Variants in NOBOX observed in about 807,000 individuals in gnomAD.
NOBOX encodes homeobox protein NOBOX.
NOBOX carries 46 observed loss-of-function variants against 60.2 expected under a neutral mutation model. That is an observed-to-expected ratio of 0.76 (90% CI 0.60 to 0.98). NOBOX has a LOEUF of 0.98. NOBOX is among the 50% of genes least tolerant of loss of function. The probability of loss-of-function intolerance (pLI) is 0.00; values close to 1 mark genes in which losing one functional copy is unlikely to be tolerated. For synonymous variants in NOBOX, 360 were observed against 346.3 expected, an observed-to-expected ratio of 1.04 and a Z score of -0.44; for missense variants, 880 against 865.5, an observed-to-expected ratio of 1.02 and a Z score of -0.21.
At chr7:144,398,794 T>C (rs2053913839) in intron 8 of NOBOX, among the ~76,000 whole-genome samples, 156 bp downstream of exon 6, 1 of 152,070 alleles carries the variant, frequency 6.6e-6, no homozygotes. Context: ...CCCTAGGTCA[T>C]TCCCCAGATC....
At position 144,404,650 on chromosome 7, in the gene NOBOX, A is replaced by G. The variant is rs1248268794; in HGVS notation, c.116T>C (p.Val39Ala). ...TCCGTAGATCCGGTACAGTCCACACACAGGAAATTCAGGTACAGCCAGGGG... is the reference window on the plus strand; with the variant it reads ...TCCGTAGATCCGGTACAGTCCACACGCAGGAAATTCAGGTACAGCCAGGGG... The change falls in exon 2 of 10, where the codon GTG becomes GCG. Residue 39 changes from valine (V) to alanine (A), a missense_variant. By Grantham distance (64) the Val-to-Ala change is moderately conservative. Coordinates refer to ENST00000467773, the MANE Select transcript of NOBOX (RefSeq NM_001080413.3). The G allele has an allele frequency of 1.4e-5, 22 of 1,613,736 alleles. No homozygotes were observed. Among genetic ancestry groups the G allele is most frequent in the African/African-American group, 2.7e-5 (2 of 74,916 alleles).
chr7:144,404,662 G>A lies in NOBOX; in HGVS notation c.104C>T (p.Pro35Leu). The change falls in exon 2 of 10, where the codon CCT becomes CTT. Residue 35 changes from proline to leucine, a missense_variant. By Grantham distance (98) the Pro-to-Leu change is moderately conservative. Coordinates refer to ENST00000467773, the MANE Select transcript of NOBOX (RefSeq NM_001080413.3). ...GTACAGTCCACACACAGGAAATTCA[G>A]GTACAGCCAGGGGCGGCCCTGCCAG... The A allele has an allele frequency of 1.2e-6, 2 of 1,613,842 alleles. No individual in the cohort carries two copies. The highest frequency in any genetic ancestry group is 1.7e-6 in the Non-Finnish European group (2 of 1,179,770).
rs969493498 is a variant in NOBOX, at chr7:144,401,220, TA to T, written c.669del (p.Asn224ThrfsTer44). 1.2e-6 allele frequency: 2 copies of T among 1,613,640 alleles called. No homozygotes were observed. Among genetic ancestry groups the T allele is most frequent in the Non-Finnish European group, 1.7e-6 (2 of 1,179,764 alleles). The stretch of plus-strand genomic sequence containing the variant: ...GGGTTGTGTGTGGCACGGGCTGAGT[TA>T]GGGGCACCCGGAGATGATGTTGGGG... On this transcript the variant is annotated frameshift_variant, in exon 4 of 10. Transcript: ENST00000467773. LOFTEE classifies it high-confidence loss of function. The surrounding 1 kb of genome is among the most constrained non-coding windows in gnomAD (Gnocchi z 4.2).
rs886062037 is a variant in NOBOX at position 144,397,416 on chromosome 7, G to T, written c.1900C>A (p.Pro634Thr). 6.5e-7 allele frequency: 1 copy of T among 1,537,232 alleles called. No individual in the cohort carries two copies. Among genetic ancestry groups the T allele is most frequent in the East Asian group, 2.4e-5 (1 of 40,894 alleles). ...GAAGGCTGCCTGCCCAGAGCCTGGG[G>T]GCAGGGAGTTGGAAATAGATCAGGA... Residue 634 changes from proline to threonine, a missense_variant, in exon 10 of 10, where the codon CCC becomes ACC. Coordinates refer to ENST00000467773, the MANE Select transcript of NOBOX (RefSeq NM_001080413.3).
chr7:144,399,425 A>T lies in NOBOX; in HGVS notation c.1212T>A (p.Pro404=). Residue 404 remains proline (P), a synonymous_variant, in exon 7 of 10, where the codon CCT becomes CCA. Coordinates refer to ENST00000467773, the MANE Select transcript of NOBOX (RefSeq NM_001080413.3). Reference sequence around the variant, plus strand: ...GAAAGGTATCCAGAGGGGACTCCTGAGGGAAAGGGTCAGGCTTTGGCTCCA... The same window carrying T: ...GAAAGGTATCCAGAGGGGACTCCTGTGGGAAAGGGTCAGGCTTTGGCTCCA... 6.3e-7 allele frequency: 1 copy of T among 1,588,256 alleles called. No homozygotes were observed. The highest frequency in any genetic ancestry group is 8.6e-7 in the Non-Finnish European group (1 of 1,167,102).
At chr7:144,402,752 T>C (rs1167049014) in intron 2 of NOBOX, among the ~76,000 whole-genome samples, 4 of 24,056 alleles carry the variant, frequency 1.7e-4, no homozygotes, top group African/African-American at 7.8e-4. Flanking sequence ...AATAACATTT[T>C]TTTTTTTTTT....
intron 2 of NOBOX, among the ~76,000 whole-genome samples, 173 bp from the exon 1 acceptor site, chr7:144,403,866 G>A (rs1196499051): frequency 6.6e-6 from 1 of 151,910 alleles, no homozygotes; most frequent in Non-Finnish European, 1.5e-5. Context: ...GCCGGCCCGG[G>A]AGGCTCGGCT....
At chr7:144,403,842 A>AC (rs1174821370) in intron 2 of NOBOX, 149 bp from the exon 1 acceptor site, 15 of 322,438 alleles carry the variant, frequency 4.7e-5, no homozygotes, top group Middle Eastern at 8.8e-4. Flanking sequence ...CCCCACCCCC[A>AC]CCCCCAGGGC....
rs1254580374 is a variant in NOBOX, at chr7:144,401,894, C to T, written c.267G>A (p.Val89=). 14 of 1,612,246 alleles carry T rather than the reference C, an allele frequency of 8.7e-6. No homozygotes were observed. In the East Asian group the frequency reaches 2.9e-4, roughly 33 times the overall value. Residue 89 remains valine, a synonymous_variant, in exon 3 of 10, where the codon GTG becomes GTA. Transcript: ENST00000467773. The surrounding 1 kb of genome is among the most constrained non-coding windows in gnomAD (Gnocchi z 4.2). ...CCCTTGTGAGTTCCCTTTTCCCAGA[C>T]ACCAGGGGTATGAGTTTGAGGGACT...
Position 144,400,258 on chromosome 7 carries a change from T to C in NOBOX, c.899A>G (p.Asp300Gly). The change falls in exon 5 of 10, where the codon GAT becomes GGT. Residue 300 changes from aspartate (D) to glycine (G), a missense_variant. Transcript: ENST00000467773. ...CGTCTGGGCAATCTCTCGGCGTTTA[T>C]CACTGTCAGGATAGTGGTCTTCTTG... is the stretch of plus-strand genomic sequence containing the variant. The C allele has an allele frequency of 6.2e-7, 1 of 1,614,094 alleles. No individual in the cohort carries two copies. The highest frequency in any genetic ancestry group is 8.5e-7 in the Non-Finnish European group (1 of 1,179,904).
rs1253615205 is a variant in NOBOX at position 144,401,240 on chromosome 7, G to A, written c.650C>T (p.Thr217Ile). The A allele has an allele frequency of 6.2e-7, 1 of 1,613,502 alleles. No homozygotes were observed. The highest frequency in any genetic ancestry group is 1.3e-5 in the African/African-American group (1 of 74,942). Reference sequence around the variant, plus strand: ...TGAGTTAGGGGCACCCGGAGATGATGTTGGGGCCAGACCCATGGCATTAGG... The same window carrying A: ...TGAGTTAGGGGCACCCGGAGATGATATTGGGGCCAGACCCATGGCATTAGG... Residue 217 changes from threonine to isoleucine, a missense_variant, in exon 4 of 10, where the codon ACA becomes ATA. Coordinates refer to ENST00000467773, the MANE Select transcript of NOBOX (RefSeq NM_001080413.3). This position sits in a 1 kb window ranked among gnomAD's most constrained non-coding sequence, Gnocchi z 4.2.
intron 1 of NOBOX, chr7:144,410,018 A>C (rs2054010887): frequency 3.3e-6 from 2 of 606,148 alleles, no homozygotes; most frequent in Non-Finnish European, 2.9e-6. Context: ...GTTTGAGTCT[A>C]GGGTCACTGG....
At chr7:144,396,913 C>T (rs535253820), downstream of NOBOX, among the ~76,000 whole-genome samples, 49 of 152,160 alleles carry the variant, frequency 3.2e-4, no homozygotes, top group Admixed American at 1.6e-3. Context: ...AACCGCAGGA[C>T]GGACTAGTTT....
At chr7:144,399,571 ACT>A in intron 6 of NOBOX, 89 bp from the exon 5 acceptor site, 1 of 1,238,852 alleles carries the variant, frequency 8.1e-7, no homozygotes, top group Non-Finnish European at 1.2e-6. Flanking sequence ...CAATTCCCAA[ACT>A]CTGCCTCCTA....
intron 1 of NOBOX, chr7:144,404,786 C>T: frequency 8.1e-7 from 1 of 1,231,888 alleles, no homozygotes; most frequent in Non-Finnish European, 1.1e-6. Context: ...AGGGGTGCAG[C>T]CTTATGATTC....
chr7:144,397,489 C>A lies in NOBOX; in HGVS notation c.1827G>T (p.Pro609=), dbSNP rs1194093234. Residue 609 remains proline (P), a synonymous_variant, in exon 10 of 10, where the codon CCG becomes CCT. Transcript: ENST00000467773. The stretch of plus-strand genomic sequence containing the variant: ...GATGCCCCAGAGCTTGTGGGCAGAA[C>A]GGACCAGGGAAGGGCAGCTCTGGCA... 1 of 1,536,992 alleles carries A rather than the reference C, an allele frequency of 6.5e-7. No individual in the cohort carries two copies. Among genetic ancestry groups the A allele is most frequent in the Non-Finnish European group, 8.7e-7 (1 of 1,146,776 alleles).
chr7:144,399,713 A>T, intron 6 of NOBOX, 44 bp downstream of exon 4: 1 of 1,497,652 alleles, frequency 6.7e-7, no homozygotes, highest in Non-Finnish European at 9.2e-7. Flanking sequence ...CTTGGACCCC[A>T]CTTCTACCCA....
At chr7:144,397,917 C>G (rs760834634) in intron 9 of NOBOX, among the ~76,000 whole-genome samples, 1 of 152,164 alleles carries the variant, frequency 6.6e-6, no homozygotes, top group African/African-American at 2.4e-5. Context: ...TAGCTGCCAT[C>G]TACTCTAGGC....
At chr7:144,400,929 A>G in intron 4 of NOBOX, 117 bp downstream of exon 2, 1 of 789,586 alleles carries the variant, frequency 1.3e-6, no homozygotes, top group East Asian at 2.8e-5. Context: ...TCCGGGACGA[A>G]GTGACATACA....
Sources: gnomAD v4.1 joint callset for allele counts (sites outside exome capture counted in the v4.1 genomes callset) on GRCh38, gnomAD v4.1.1 for gene constraint, Gnocchi (gnomAD v3.1) non-coding constraint, MANE v1.5 for transcripts, NCBI Gene and HGNC (gene_info 2026-07-23, HGNC 2026-07-21) for gene names.